The following ERCC6 variants were observed in gnomAD, a reference collection of about 807,000 sequenced individuals.
ERCC6 encodes DNA excision repair protein ERCC-6.
ERCC6 carries 116 observed loss-of-function variants against 158.7 expected under a neutral mutation model. The ratio of observed to expected loss-of-function variants is 0.73; its 90% CI spans 0.63 to 0.85. The LOEUF (loss-of-function observed/expected upper bound fraction) is 0.85. Ranked by LOEUF, ERCC6 falls within the 40% of genes least tolerant of loss-of-function variation. The pLI, the probability that ERCC6 is intolerant of heterozygous loss-of-function variation, is 0.00. For missense variants in ERCC6, 1,698 were observed against 1,799.4 expected (o/e 0.94, Z 1.02); for synonymous variants, 678 against 659.3 (o/e 1.03, Z -0.43).
intron 15 of ERCC6, 112 bp from the exon 16 acceptor site, chr10:49,472,582 T>C: frequency 2.7e-6 from 3 of 1,127,830 alleles, no homozygotes; most frequent in Non-Finnish European, 4.0e-6. Flanking sequence ...GTTAGAATTT[T>C]GACTCATGAC....
chr10:49,474,062 C>A lies in ERCC6; in HGVS notation c.2563G>T (p.Gly855Cys), dbSNP rs146786861. ...TGAGAAAACAGCAATACTCGCTGACCCTGCTTGTGCCATATTTTCAACAAA... is the reference window on the plus strand; with the variant it reads ...TGAGAAAACAGCAATACTCGCTGACACTGCTTGTGCCATATTTTCAACAAA... ...ESLLKIWHKQGQRVLLFSQSR... is the reference protein window; with the variant it reads ...ESLLKIWHKQCQRVLLFSQSR... Residue 855 changes from glycine to cysteine, a missense_variant, in exon 13 of 21, where the codon GGT (glycine) becomes TGT (cysteine). Gly to Cys is a radical substitution (Grantham distance 159). Coordinates refer to ENST00000355832, the MANE Select transcript of ERCC6 (RefSeq NM_000124.4). 1 of 1,614,068 alleles carries A rather than the reference C, an allele frequency of 6.2e-7. No homozygotes were observed. The highest frequency in any genetic ancestry group is 1.7e-5 in the Admixed American group (1 of 60,018).
intron 5 of ERCC6, chr10:49,516,186 A>G: frequency 6.2e-7 from 1 of 1,614,208 alleles, no homozygotes; most frequent in Non-Finnish European, 8.5e-7. Context: ...ATACGGCTGA[A>G]ACCAGCAAAT....
At chr10:49,502,644 T>C (rs1048214551) in intron 6 of ERCC6, 5 of 152,194 alleles carry the variant, frequency 3.3e-5, no homozygotes, top group Non-Finnish European at 5.9e-5. Flanking sequence ...AACTGTATGT[T>C]TCCAAAGTGA....
Position 49,500,564 on chromosome 10 carries a change from C to A in ERCC6, c.1659G>T (p.Lys553Asn), listed in dbSNP as rs116373975. 1.8e-4 allele frequency: 288 copies of A among 1,613,944 alleles called. 3 individuals are homozygous for A. In the Middle Eastern group the frequency reaches 7.8e-3, roughly 44 times the overall value. The change falls in exon 7 of 21, where the codon AAG (lysine) becomes AAT (asparagine). Residue 553 changes from lysine (K) to asparagine (N), a missense_variant. By Grantham distance (94) the Lys-to-Asn change is moderately conservative. Coordinates refer to ENST00000355832, the MANE Select transcript of ERCC6 (RefSeq NM_000124.4). The part of the protein sequence containing the change: ...IAFLAGLSYS[K>N]IRTRGSNYRF... Reference sequence around the variant, plus strand: ...TGTAATTTGAACCACGAGTCCTGATCTTGCTGTAGCTCAGACCTGCCAAGA... The same window carrying A: ...TGTAATTTGAACCACGAGTCCTGATATTGCTGTAGCTCAGACCTGCCAAGA...
At chr10:49,475,803 C>A (rs1850866654) in intron 12 of ERCC6, among the ~76,000 whole-genome samples, 1 of 152,134 alleles carries the variant, frequency 6.6e-6, no homozygotes. Flanking sequence ...GGGAATGGGG[C>A]TCCTTTAGGA....
At chr10:49,537,500 T>TACACACACAC (rs1234237442) in intron 1 of ERCC6, among the ~76,000 whole-genome samples, 4 of 133,002 alleles carry the variant, frequency 3.0e-5, no homozygotes, top group African/African-American at 1.1e-4. Flanking sequence ...TATATATATA[T>TACACACACAC]ATACACATAC....
downstream of ERCC6, among the ~76,000 whole-genome samples, chr10:49,449,738 G>A (rs1850400955): frequency 6.6e-6 from 1 of 151,600 alleles, no homozygotes; most frequent in Non-Finnish European, 1.5e-5. Flanking sequence ...TTTTAGTAGA[G>A]ACAGGGTTTC....
chr10:49,482,539 A>ATTTT (rs571372686), intron 10 of ERCC6, 148 bp downstream of exon 10: 1,159 of 469,066 alleles, frequency 2.5e-3, no homozygotes, highest in East Asian at 3.6e-3. Context: ...TAATTTTGTG[A>ATTTT]TTTTTTTTTT....
At chr10:49,441,569 G>A in the ERCC6 span, among the ~76,000 whole-genome samples, 119 of 150,352 alleles carry the variant, frequency 7.9e-4, 1 homozygote, top group African/African-American at 2.7e-3. Flanking sequence ...AGTTGTGCAC[G>A]GTGTGCCATT....
chr10:49,452,979 A>T (rs918024250), downstream of ERCC6, among the ~76,000 whole-genome samples: 1 of 152,118 alleles, frequency 6.6e-6, no homozygotes, highest in Non-Finnish European at 1.5e-5. Context: ...ATGGGAGCAT[A>T]GATAACATAG....
At chr10:49,513,057 G>A (rs540286695) in intron 5 of ERCC6, among the ~76,000 whole-genome samples, 1 of 152,208 alleles carries the variant, frequency 6.6e-6, no homozygotes, top group South Asian at 2.1e-4. Flanking sequence ...GAATCTTTGT[G>A]GTAACTTTTA....
At chr10:49,488,669 A>T (rs1190902554) in intron 8 of ERCC6, among the ~76,000 whole-genome samples, 17 of 130,360 alleles carry the variant, frequency 1.3e-4, no homozygotes, top group South Asian at 2.3e-4. Context: ...AAAGTTTTTT[A>T]CTCCCTTCTA....
At chr10:49,485,628 C>T (rs1395194526) in intron 8 of ERCC6, among the ~76,000 whole-genome samples, 3 of 152,066 alleles carry the variant, frequency 2.0e-5, no homozygotes, top group African/African-American at 7.2e-5. Flanking sequence ...TAGAAAGGTA[C>T]ACAGGCAATA....
chr10:49,510,714 C>CTGAA (rs1208278995), intron 5 of ERCC6, among the ~76,000 whole-genome samples: 2 of 152,096 alleles, frequency 1.3e-5, no homozygotes, highest in Non-Finnish European at 2.9e-5. Context: ...CCGTTAAGTG[C>CTGAA]TGAATGAATG....
intron 4 of ERCC6, among the ~76,000 whole-genome samples, chr10:49,526,113 A>ATT (rs1293541382): frequency 3.3e-4 from 19 of 57,162 alleles, no homozygotes; most frequent in Non-Finnish European, 4.8e-4. Context: ...ATATTTATAT[A>ATT]TTTTTATATA....
chr10:49,468,118 T>C (rs1201581886), intron 18 of ERCC6, among the ~76,000 whole-genome samples: 1 of 152,192 alleles, frequency 6.6e-6, no homozygotes, highest in Non-Finnish European at 1.5e-5. Flanking sequence ...TTTCCTCTAA[T>C]TCGAAAAGTT....
intron 5 of ERCC6, chr10:49,516,493 C>T: frequency 1.2e-6 from 2 of 1,614,182 alleles, no homozygotes; most frequent in Non-Finnish European, 1.7e-6. Flanking sequence ...ACATTATGCA[C>T]ATCTGTTCTT....
At position 49,524,282 on chromosome 10, in the gene ERCC6, T is replaced by C. The variant is rs747814000; in HGVS notation, c.1148A>G (p.Glu383Gly). Residue 383 changes from glutamate to glycine, a missense_variant, in exon 5 of 21, where the codon GAG becomes GGG. By Grantham distance (98) the Glu-to-Gly change is moderately conservative. Coordinates refer to ENST00000355832, the MANE Select transcript of ERCC6 (RefSeq NM_000124.4). ...TGCCCCCTCCACCTCGTCATCTTCC[T>C]CCTCTTCCTCCTCCTCTGTGGGGAA... ...EYFPTEEEEE[E>G]EDDEVEGAEA... is the part of the protein sequence containing the mutation. 3 of 1,613,976 alleles carry C rather than the reference T, an allele frequency of 1.9e-6. No individual in the cohort carries two copies. The South Asian group carries it at 3.3e-5, about 18-fold the overall frequency.
chr10:49,461,222 G>A (rs1590397616), intron 19 of ERCC6, 130 bp downstream of exon 19: 1 of 985,590 alleles, frequency 1.0e-6, no homozygotes, highest in South Asian at 1.4e-5. Flanking sequence ...AGATTTTGCT[G>A]CTATAATCCC....
Sources: gnomAD v4.1 joint callset for allele counts (sites outside exome capture counted in the v4.1 genomes callset) on GRCh38, gnomAD v4.1.1 for gene constraint, MANE v1.5 for transcripts, NCBI Gene and HGNC (gene_info 2026-07-23, HGNC 2026-07-21) for gene names.